MAPK8: variants seen among roughly 807,000 people sequenced by gnomAD.
The protein encoded by MAPK8 is JUN N-terminal kinase.
Under a neutral mutation model 52.9 loss-of-function variants are expected in MAPK8, and 13 were observed. That is an observed-to-expected ratio of 0.25 (90% CI 0.16 to 0.39). The LOEUF (loss-of-function observed/expected upper bound fraction) is 0.39, where lower values mean the gene tolerates loss of function less well. Among genes scored for constraint, MAPK8 ranks in the 10% least tolerant of loss-of-function variants. The pLI, the probability that MAPK8 is intolerant of heterozygous loss-of-function variation, is 1.00. For missense variants in MAPK8, 300 were observed against 519.2 expected, an observed-to-expected ratio of 0.58 and a Z score of 4.10; for synonymous variants, 191 against 169.8, an observed-to-expected ratio of 1.12 and a Z score of -0.97.
rs755894470 is a variant in MAPK8, at chr10:48,401,734, G to A, written c.74G>A (p.Arg25Gln). The change falls in exon 2 of 12, where the codon CGA (arginine) becomes CAA (glutamine). Residue 25 changes from arginine (R) to glutamine (Q), a missense_variant. Physicochemically the swap from Arg to Gln is conservative, Grantham distance 43. Transcript: ENST00000374189. ...IGDSTFTVLKRYQNLKPIGSG... is the reference protein window; with the variant it reads ...IGDSTFTVLKQYQNLKPIGSG... ...GATTCTACATTCACAGTCCTGAAAC[G>A]ATATCAGAATTTAAAACCTATAGGC... 1.3e-5 allele frequency: 21 copies of A among 1,577,406 alleles called. No homozygotes were observed. Among genetic ancestry groups the A allele is most frequent in the Middle Eastern group, 1.7e-4 (1 of 5,926 alleles).
chr10:48,345,085 A>C (rs2132372806), intron 1 of MAPK8, among the ~76,000 whole-genome samples: 1 of 152,378 alleles, frequency 6.6e-6, no homozygotes, highest in East Asian at 1.9e-4. Context: ...GGCAGAATTC[A>C]AGGCAGAAAA....
chr10:48,383,655 A>G (rs1037764263), intron 1 of MAPK8, among the ~76,000 whole-genome samples: 1 of 152,194 alleles, frequency 6.6e-6, no homozygotes, highest in Non-Finnish European at 1.5e-5. Flanking sequence ...TGGGCATTAA[A>G]GGATATCATC....
At chr10:48,357,176 G>A (rs116460779) in intron 1 of MAPK8, among the ~76,000 whole-genome samples, 13 of 152,244 alleles carry the variant, frequency 8.5e-5, no homozygotes, top group African/African-American at 2.9e-4. Context: ...GATAGAACAA[G>A]CAGAGAATAC....
At chr10:48,424,703 A>G (rs2043568863) in intron 7 of MAPK8, 1 of 535,488 alleles carries the variant, frequency 1.9e-6, no homozygotes, top group Non-Finnish European at 3.3e-6. Context: ...AATTACTCTT[A>G]AAATACCACC....
At chr10:48,364,351 A>G (rs894905840) in intron 1 of MAPK8, among the ~76,000 whole-genome samples, 27 of 152,112 alleles carry the variant, frequency 1.8e-4, no homozygotes, top group Admixed American at 1.5e-3. Flanking sequence ...GTATAATGAA[A>G]TGGCTCATTA....
intron 1 of MAPK8, among the ~76,000 whole-genome samples, chr10:48,338,609 C>T (rs1286885416): frequency 6.6e-6 from 1 of 151,958 alleles, no homozygotes; most frequent in Non-Finnish European, 1.5e-5. Context: ...TAAAAGATGT[C>T]CAAATAGGCA....
At chr10:48,409,525 G>T (rs184349957) in intron 3 of MAPK8, among the ~76,000 whole-genome samples, 97 of 152,270 alleles carry the variant, frequency 6.4e-4, no homozygotes, top group Non-Finnish European at 9.1e-4. Flanking sequence ...GGAGGAAAGG[G>T]CTGAGATTAT....
At chr10:48,408,896 T>G (rs1041287896) in intron 3 of MAPK8, among the ~76,000 whole-genome samples, 2 of 152,218 alleles carry the variant, frequency 1.3e-5, no homozygotes, top group African/African-American at 4.8e-5. Context: ...TGTCCTCATT[T>G]GCCTTTCTTC....
intron 10 of MAPK8, among the ~76,000 whole-genome samples, chr10:48,428,666 C>T (rs1055605258): frequency 3.0e-4 from 45 of 152,180 alleles, no homozygotes; most frequent in African/African-American, 1.1e-3. Context: ...GAGTCTGCTG[C>T]ATTTGAATAT....
In MAPK8 at chr10:48,431,284, T is replaced by C; in HGVS notation, c.1138+14T>C. Reference sequence around the variant, plus strand: ...CCTCTCCTTTAGGTTGGTTACAATATAAGCTTGGTTAAGATTACAGTTTAC... The same window carrying C: ...CCTCTCCTTTAGGTTGGTTACAATACAAGCTTGGTTAAGATTACAGTTTAC... On this transcript the variant is annotated intron_variant, in intron 11 of 11. Transcript: ENST00000374189. 6.4e-7 allele frequency: 1 copy of C among 1,570,772 alleles called. No homozygotes were observed.
intron 11 of MAPK8, among the ~76,000 whole-genome samples, chr10:48,434,277 A>G (rs997651340): frequency 2.0e-5 from 3 of 152,230 alleles, no homozygotes; most frequent in Admixed American, 6.5e-5. Flanking sequence ...TGACAGTGGC[A>G]TGTCCCATAA....
At chr10:48,315,479 T>C (rs1842404941) in intron 1 of MAPK8, among the ~76,000 whole-genome samples, 1 of 152,166 alleles carries the variant, frequency 6.6e-6, no homozygotes, top group African/African-American at 2.4e-5. Context: ...GTGACAGCTT[T>C]ATGATGTACC....
intron 1 of MAPK8, among the ~76,000 whole-genome samples, chr10:48,354,806 GAA>G (rs1360894644): frequency 2.7e-5 from 4 of 149,990 alleles, no homozygotes; most frequent in Non-Finnish European, 5.9e-5. Context: ...AAAAAAAACA[GAA>G]AAAGAATTCC....
chr10:48,424,741 G>A (rs142775675), intron 7 of MAPK8, among the ~76,000 whole-genome samples: 17 of 151,818 alleles, frequency 1.1e-4, no homozygotes, highest in Non-Finnish European at 1.3e-4. Context: ...TTTTCCTTCC[G>A]TTATTTATTG....
At chr10:48,323,017 C>G (rs1843138922) in intron 1 of MAPK8, among the ~76,000 whole-genome samples, 1 of 152,084 alleles carries the variant, frequency 6.6e-6, no homozygotes, top group African/African-American at 2.4e-5. Context: ...AGGTTTATGT[C>G]ATAAGATTCT....
chr10:48,325,207 C>G (rs1365236379), intron 1 of MAPK8, among the ~76,000 whole-genome samples: 1 of 152,154 alleles, frequency 6.6e-6, no homozygotes, highest in Non-Finnish European at 1.5e-5. Context: ...AACTCCTGAC[C>G]TCAAGTGATC....
chr10:48,381,067 A>C (rs977264677), intron 1 of MAPK8, among the ~76,000 whole-genome samples: 2 of 152,242 alleles, frequency 1.3e-5, no homozygotes, highest in African/African-American at 4.8e-5. Flanking sequence ...ACCTTTTACT[A>C]TCTCCTGTTA....
At chr10:48,311,177 A>C (rs1443531714) in intron 1 of MAPK8, among the ~76,000 whole-genome samples, 2 of 152,178 alleles carry the variant, frequency 1.3e-5, no homozygotes. Flanking sequence ...GCTAGATACA[A>C]GTATTCAGGT....
chr10:48,319,909 GT>G (rs1011631114), intron 1 of MAPK8, among the ~76,000 whole-genome samples: 7 of 149,268 alleles, frequency 4.7e-5, no homozygotes, highest in African/African-American at 1.7e-4. Flanking sequence ...CTTCGTTTCT[GT>G]TTTTTTTTCT....
Sources: gnomAD v4.1 joint callset for allele counts (sites outside exome capture counted in the v4.1 genomes callset) on GRCh38, gnomAD v4.1.1 for gene constraint, MANE v1.5 for transcripts, NCBI Gene and HGNC (gene_info 2026-07-23, HGNC 2026-07-21) for gene names.